The following NRXN3 variants were observed in gnomAD, a reference collection of about 807,000 sequenced individuals.
The protein encoded by NRXN3 is neurexin 3.
A neutral mutation model predicts 137.6 loss-of-function variants in NRXN3; 32 were observed. The observed-to-expected ratio is 0.23, with a 90% CI of 0.18 to 0.31. The LOEUF (loss-of-function observed/expected upper bound fraction) is 0.31. Among genes scored for constraint, NRXN3 ranks in the 10% least tolerant of loss-of-function variants. The pLI is 1.00. For missense variants in NRXN3, 1,574 were observed against 2,062.5 expected (o/e 0.76, Z 4.59); for synonymous variants, 798 against 784.5 (o/e 1.02, Z -0.29).
At chr14:79,638,531 G>C (rs1453948814) in intron 16 of NRXN3, among the ~76,000 whole-genome samples, 1 of 152,166 alleles carries the variant, frequency 6.6e-6, no homozygotes, top group Non-Finnish European at 1.5e-5. Context: ...TTCAAATGTT[G>C]AGAATGACTA....
At chr14:78,488,964 G>A (rs538312460) in intron 4 of NRXN3, among the ~76,000 whole-genome samples, 1 of 152,112 alleles carries the variant, frequency 6.6e-6, no homozygotes. Flanking sequence ...GATTGAAAAA[G>A]AGAGTTCACG....
intron 1 of NRXN3, among the ~76,000 whole-genome samples, chr14:78,186,656 CTT>C (rs1374643155): frequency 6.6e-6 from 1 of 152,172 alleles, no homozygotes; most frequent in Admixed American, 6.5e-5. Context: ...ACGTAGAAGC[CTT>C]TTTAATAGGG....
chr14:79,450,747 T>C (rs1470989175), intron 15 of NRXN3, among the ~76,000 whole-genome samples: 1 of 152,076 alleles, frequency 6.6e-6, no homozygotes, highest in Non-Finnish European at 1.5e-5. Flanking sequence ...ATGCCTGTAA[T>C]CCCAGCTACT....
chr14:79,280,728 C>T, intron 15 of NRXN3: 2 of 604,750 alleles, frequency 3.3e-6, no homozygotes, highest in Non-Finnish European at 5.8e-6. Flanking sequence ...TGCCCCTAGC[C>T]TCCGACAACC....
rs1196053352 is a variant in NRXN3 at position 78,559,256 on chromosome 14, ATTTAT to A, written c.758-85859_758-85855del. 2.0e-5 allele frequency among the ~76,000 whole-genome samples: 3 copies of A among 152,140 alleles called. No homozygotes were observed. The East Asian group carries it at 5.8e-4, about 29-fold the overall frequency. ...ATGCTTTTCTTGTTATTTATTTAAA[ATTTAT>A]TTTACTGGCAGCATGCTGTATATCT... On this transcript the variant is annotated intron_variant, in intron 4 of 20. Transcript: ENST00000335750.
chr14:78,604,164 A>G (rs1179475007), intron 4 of NRXN3, among the ~76,000 whole-genome samples: 1 of 152,192 alleles, frequency 6.6e-6, no homozygotes, highest in Non-Finnish European at 1.5e-5. Context: ...CAAGAACAGT[A>G]TGAGGGAAAC....
chr14:78,401,346 G>A (rs1598275041), intron 4 of NRXN3, among the ~76,000 whole-genome samples: 1 of 151,892 alleles, frequency 6.6e-6, no homozygotes, highest in East Asian at 1.9e-4. Context: ...TGTATTTTTA[G>A]TAGAGACATG....
At chr14:78,640,574 G>T (rs940116201) in intron 4 of NRXN3, among the ~76,000 whole-genome samples, 2 of 152,188 alleles carry the variant, frequency 1.3e-5, no homozygotes, top group African/African-American at 2.4e-5. Context: ...TAAATTATAA[G>T]TTGGGTGTCT....
chr14:78,953,225 A>C (rs952090084), intron 10 of NRXN3, among the ~76,000 whole-genome samples: 1 of 151,106 alleles, frequency 6.6e-6, no homozygotes, highest in Non-Finnish European at 1.5e-5. Flanking sequence ...CTGCCAAAAG[A>C]GGGAAAAATC....
intron 15 of NRXN3, among the ~76,000 whole-genome samples, chr14:79,397,503 T>C (rs961072149): frequency 2.0e-5 from 3 of 152,334 alleles, no homozygotes; most frequent in African/African-American, 7.2e-5. Flanking sequence ...CCTCCCTGTT[T>C]CTCTTGAGCT....
intron 6 of NRXN3, among the ~76,000 whole-genome samples, chr14:78,668,206 CA>C (rs2097904192): frequency 6.6e-6 from 1 of 152,186 alleles, no homozygotes; most frequent in Non-Finnish European, 1.5e-5. Flanking sequence ...GCTTGATGAT[CA>C]CCAGTGTCCC....
intron 15 of NRXN3, among the ~76,000 whole-genome samples, chr14:79,073,905 C>T (rs923024945): frequency 2.6e-5 from 4 of 152,172 alleles, no homozygotes; most frequent in African/African-American, 9.7e-5. Flanking sequence ...TATTTAACCT[C>T]TCTGTGCCTA....
intron 15 of NRXN3, among the ~76,000 whole-genome samples, chr14:79,210,750 T>C (rs1377341235): frequency 6.6e-6 from 1 of 152,202 alleles, no homozygotes; most frequent in Non-Finnish European, 1.5e-5. Flanking sequence ...AGTTACTTTG[T>C]CACTTTCTAA....
intron 15 of NRXN3, among the ~76,000 whole-genome samples, chr14:79,401,791 G>A (rs1370611795): frequency 6.7e-6 from 1 of 149,620 alleles, no homozygotes; most frequent in Admixed American, 6.7e-5. Flanking sequence ...TAACTCTCCT[G>A]ATTATTTTGT....
intron 4 of NRXN3, among the ~76,000 whole-genome samples, chr14:78,521,074 A>G (rs963202904): frequency 1.6e-4 from 25 of 152,340 alleles, no homozygotes; most frequent in African/African-American, 5.3e-4. Context: ...AGTGACAAAT[A>G]CATAGCAATC....
chr14:79,581,289 AC>A (rs1303874049), intron 16 of NRXN3, among the ~76,000 whole-genome samples: 6 of 151,578 alleles, frequency 4.0e-5, no homozygotes, highest in African/African-American at 1.5e-4. Context: ...TTCTCTCAAC[AC>A]TCATCTCCAC....
At chr14:78,595,261 A>G (rs767935064) in intron 4 of NRXN3, among the ~76,000 whole-genome samples, 1 of 152,204 alleles carries the variant, frequency 6.6e-6, no homozygotes, top group Non-Finnish European at 1.5e-5. Flanking sequence ...CCCAGAAATT[A>G]ATTACAATAT....
chr14:78,757,893 TAAACCTA>T (rs565127644), intron 8 of NRXN3, among the ~76,000 whole-genome samples: 112 of 152,320 alleles, frequency 7.4e-4, no homozygotes, highest in Middle Eastern at 3.4e-3. Context: ...AACTTTTCTA[TAAACCTA>T]AACTTCCAAA....
chr14:78,364,955 A>G (rs1336347320), intron 4 of NRXN3, among the ~76,000 whole-genome samples: 2 of 152,178 alleles, frequency 1.3e-5, no homozygotes, highest in Non-Finnish European at 2.9e-5. Context: ...TTTGAAATAT[A>G]AATTTGTTTT....
Sources: allele counts gnomAD v4.1 joint callset (sites outside exome capture counted in the v4.1 genomes callset), GRCh38; gene constraint gnomAD v4.1.1; transcripts MANE v1.5; gene names NCBI Gene and HGNC (gene_info 2026-07-23, HGNC 2026-07-21).